The following GTF2F2 variants were observed in gnomAD, a reference collection of about 807,000 sequenced individuals.
GTF2F2 encodes the protein ATP-dependent helicase GTF2F2.
In GTF2F2, 23 loss-of-function variants were observed where a neutral mutation model predicts 42.2. The ratio of observed to expected loss-of-function variants is 0.55; its 90% CI spans 0.39 to 0.77. The LOEUF (loss-of-function observed/expected upper bound fraction) is 0.77, where lower values mean the gene tolerates loss of function less well. Ranked by LOEUF, GTF2F2 falls within the 30% of genes least tolerant of loss-of-function variation. GTF2F2 has a pLI of 0.00. For synonymous variants in GTF2F2, 105 were observed against 100.8 expected (o/e 1.04, Z -0.25); for missense variants, 261 against 287.2 (o/e 0.91, Z 0.66).
chr13:45,146,698 C>T (rs988352416), intron 2 of GTF2F2, among the ~76,000 whole-genome samples: 8 of 152,032 alleles, frequency 5.3e-5, no homozygotes, highest in Non-Finnish European at 1.0e-4. Flanking sequence ...GGAATGAGAC[C>T]GGAATCTAAA....
At chr13:45,268,842 A>G (rs1876673519) in intron 7 of GTF2F2, among the ~76,000 whole-genome samples, 1 of 152,158 alleles carries the variant, frequency 6.6e-6, no homozygotes, top group Admixed American at 6.6e-5. Context: ...TTCACATGGG[A>G]TATAAGGTTT....
rs35962264 is a variant in GTF2F2 at position 45,134,577 on chromosome 13, G to A, written c.67-2156G>A. ...CTGTCACCTGTAATTAAAGGAGACC[G>A]AATGGGTAGGTACAGTCATCGTAAG... On this transcript the variant is annotated intron_variant, in intron 1 of 7. Transcript: ENST00000340473. Among the ~76,000 whole-genome samples, 1,518 of 152,274 alleles carry A rather than the reference G, an allele frequency of 1.0e-2. 16 individuals are homozygous for A. Among genetic ancestry groups the A allele is most frequent in the Non-Finnish European group, 0.016 (1,081 of 68,012 alleles).
At chr13:45,164,485 C>T (rs1355198387) in intron 4 of GTF2F2, among the ~76,000 whole-genome samples, 1 of 152,290 alleles carries the variant, frequency 6.6e-6, no homozygotes, top group South Asian at 2.1e-4. Context: ...GTAACCCCAG[C>T]ACTTTGGGAG....
intron 4 of GTF2F2, among the ~76,000 whole-genome samples, chr13:45,153,270 G>A (rs978968466): frequency 2.0e-5 from 3 of 151,738 alleles, no homozygotes; most frequent in East Asian, 1.9e-4. Context: ...CGCCCGCCTC[G>A]GCCTCCCGGA....
At chr13:45,259,099 T>A (rs1876225002) in intron 6 of GTF2F2, among the ~76,000 whole-genome samples, 1 of 152,206 alleles carries the variant, frequency 6.6e-6, no homozygotes. Flanking sequence ...TTTTCGGTGT[T>A]GCTGTATACT....
At chr13:45,121,286 G>A (rs1868619013) in intron 1 of GTF2F2, among the ~76,000 whole-genome samples, 3 of 152,186 alleles carry the variant, frequency 2.0e-5, no homozygotes, top group African/African-American at 7.2e-5. Context: ...GAAACTGGCC[G>A]TCAATAAACG....
At chr13:45,137,382 G>A (rs777956161) in intron 2 of GTF2F2, among the ~76,000 whole-genome samples, 18 of 152,268 alleles carry the variant, frequency 1.2e-4, no homozygotes, top group Middle Eastern at 3.4e-3. Flanking sequence ...ATTCAGATTC[G>A]TATGTCCATG....
intron 4 of GTF2F2, among the ~76,000 whole-genome samples, chr13:45,165,231 G>GA (rs1429162946): frequency 1.4e-5 from 2 of 146,584 alleles, no homozygotes; most frequent in Non-Finnish European, 3.0e-5. Context: ...GAATAGAATG[G>GA]AAAAAACGGA....
intron 4 of GTF2F2, among the ~76,000 whole-genome samples, chr13:45,202,438 T>TA: frequency 6.9e-6 from 1 of 145,530 alleles, no homozygotes; most frequent in Non-Finnish European, 1.6e-5. Flanking sequence ...GACATCTGAG[T>TA]GGGTGTGTGT....
chr13:45,210,802 G>A (rs1873601074), intron 5 of GTF2F2, among the ~76,000 whole-genome samples: 2 of 152,170 alleles, frequency 1.3e-5, no homozygotes, highest in Admixed American at 1.3e-4. Context: ...CTATTAAGGA[G>A]ATATGGAAAA....
At chr13:45,133,147 G>A (rs80194764) in intron 1 of GTF2F2, among the ~76,000 whole-genome samples, 6,812 of 152,124 alleles carry the variant, frequency 0.045, 208 homozygotes, top group Non-Finnish European at 0.069. Context: ...AGGAAGATGG[G>A]GCAAGGGAAT....
intron 6 of GTF2F2, among the ~76,000 whole-genome samples, chr13:45,254,062 T>A (rs1593520285): frequency 7.6e-6 from 1 of 131,360 alleles, no homozygotes; most frequent in Non-Finnish European, 1.6e-5. Context: ...AGAGCGAGAC[T>A]CCGTCTCAAA....
chr13:45,265,086 C>T (rs1876508484), intron 6 of GTF2F2, among the ~76,000 whole-genome samples: 1 of 152,070 alleles, frequency 6.6e-6, no homozygotes, highest in African/African-American at 2.4e-5. Flanking sequence ...TAGTGAAACC[C>T]TGTCTCTACT....
intron 7 of GTF2F2, 107 bp from the exon 8 acceptor site, chr13:45,283,335 A>T (rs962630521): frequency 1.0e-6 from 1 of 983,232 alleles, no homozygotes; most frequent in African/African-American, 1.6e-5. Flanking sequence ...AGCTTTTAGG[A>T]TCATAATTTT....
chr13:45,198,049 C>G (rs970040879), intron 4 of GTF2F2, among the ~76,000 whole-genome samples: 1 of 152,228 alleles, frequency 6.6e-6, no homozygotes, highest in African/African-American at 2.4e-5. Flanking sequence ...AGAGTTAGAT[C>G]ACCTCTGTCT....
chr13:45,143,945 T>C (rs1317287113), intron 2 of GTF2F2, among the ~76,000 whole-genome samples: 1 of 152,190 alleles, frequency 6.6e-6, no homozygotes, highest in East Asian at 1.9e-4. Context: ...GTGTGCCACA[T>C]TTTAATTAGT....
intron 5 of GTF2F2, among the ~76,000 whole-genome samples, chr13:45,246,485 T>A (rs1875625208): frequency 6.6e-6 from 1 of 152,176 alleles, no homozygotes; most frequent in Non-Finnish European, 1.5e-5. Context: ...GTCCCACTCC[T>A]TTACCATCAC....
intron 2 of GTF2F2, among the ~76,000 whole-genome samples, chr13:45,140,998 C>T (rs1869902476): frequency 6.6e-6 from 1 of 152,154 alleles, no homozygotes; most frequent in Admixed American, 6.5e-5. Flanking sequence ...CTTCCCAACC[C>T]ATAGGATGTT....
At position 45,274,371 on chromosome 13, in the gene GTF2F2, G is replaced by A. The variant is rs562353098; in HGVS notation, c.630+6995G>A. On this transcript the variant is annotated intron_variant, in intron 7 of 7. Coordinates refer to ENST00000340473, the MANE Select transcript of GTF2F2 (RefSeq NM_004128.3). ...AGATGGAGTCTCGCTCTGTCACCCA[G>A]GCTGGAGTGCAGTGACGCAGTCTTG... Among the ~76,000 whole-genome samples the A allele has an allele frequency of 6.1e-4, 77 of 125,302 alleles. 2 individuals are homozygous for A. In the South Asian group the frequency reaches 0.017, roughly 28 times the overall value. The allele number at this position is 125,302 out of a possible 152,430, so 82.2% of individuals were successfully genotyped here. A position where few individuals can be genotyped will look rare whatever the true frequency, so the allele number is the denominator to read the frequency against.
Sources: gnomAD v4.1 joint callset for allele counts (sites outside exome capture counted in the v4.1 genomes callset) on GRCh38, gnomAD v4.1.1 for gene constraint, MANE v1.5 for transcripts, NCBI Gene and HGNC (gene_info 2026-07-23, HGNC 2026-07-21) for gene names.